DLG2: variants seen among roughly 807,000 people sequenced by gnomAD.
DLG2 encodes the protein disks large homolog 2.
In DLG2, 45 loss-of-function variants were observed where a neutral mutation model predicts 132.5. The observed-to-expected ratio is 0.34, with a 90% CI of 0.27 to 0.44. The LOEUF (loss-of-function observed/expected upper bound fraction) is 0.44, where lower values mean the gene tolerates loss of function less well. Ranked by LOEUF, DLG2 falls within the 20% of genes least tolerant of loss-of-function variation. DLG2 has a pLI of 1.00. For missense variants in DLG2, 1,045 were observed against 1,196.9 expected (o/e 0.87, Z 1.87); for synonymous variants, 424 against 419.6 (o/e 1.01, Z -0.13).
At chr11:84,855,451 G>C (rs1033363372) in intron 6 of DLG2, among the ~76,000 whole-genome samples, 3 of 152,056 alleles carry the variant, frequency 2.0e-5, no homozygotes, top group African/African-American at 7.2e-5. Flanking sequence ...AATGTAGCTA[G>C]AGAGTAAAAT....
Position 83,786,779 on chromosome 11 carries a change from T to C in DLG2, c.1736A>G (p.Asp579Gly). The stretch of plus-strand genomic sequence containing the variant: ...CTGCTCGTGGGATGCACCACGGAGG[T>C]CAATGCCATTCACCTGAAAGAGAGG... ...GDQILSVNGI[D>G]LRGASHEQAA... is the part of the protein sequence containing the mutation. The change falls in exon 18 of 28, where the codon GAC becomes GGC. Residue 579 changes from aspartate to glycine, a missense_variant. Asp to Gly is a moderately conservative substitution (Grantham distance 94). Transcript: ENST00000376104. 6.2e-7 allele frequency: 1 copy of C among 1,613,920 alleles called. No individual in the cohort carries two copies. The highest frequency in any genetic ancestry group is 8.5e-7 in the Non-Finnish European group (1 of 1,179,934).
At chr11:84,997,873 G>C (rs1269743099) in intron 6 of DLG2, 5 of 152,106 alleles carry the variant, frequency 3.3e-5, no homozygotes, top group African/African-American at 1.2e-4. Flanking sequence ...ATGATAGAGA[G>C]GTTTCACAAA....
intron 6 of DLG2, among the ~76,000 whole-genome samples, chr11:84,574,375 A>C (rs2099493837): frequency 6.6e-6 from 1 of 150,894 alleles, no homozygotes; most frequent in Admixed American, 6.6e-5. Context: ...AAAAAAAAAA[A>C]CCTCTTAAAC....
At chr11:84,191,456 ACT>A (rs953183678) in intron 8 of DLG2, among the ~76,000 whole-genome samples, 1 of 152,100 alleles carries the variant, frequency 6.6e-6, no homozygotes, top group Non-Finnish European at 1.5e-5. Context: ...GACTTTTATT[ACT>A]CTTTCAAAAA....
At chr11:84,644,583 G>A (rs2099672221) in intron 6 of DLG2, among the ~76,000 whole-genome samples, 1 of 151,896 alleles carries the variant, frequency 6.6e-6, no homozygotes, top group Non-Finnish European at 1.5e-5. Context: ...GCGGGCACCT[G>A]TAATCCCAGC....
chr11:83,985,812 G>A (rs1179207637), intron 11 of DLG2, among the ~76,000 whole-genome samples: 3 of 151,984 alleles, frequency 2.0e-5, no homozygotes, highest in Non-Finnish European at 2.9e-5. Context: ...GTGTTGCAAT[G>A]AAAATACATG....
intron 7 of DLG2, among the ~76,000 whole-genome samples, chr11:84,305,417 T>C (rs2098204929): frequency 1.3e-5 from 2 of 152,200 alleles, no homozygotes; most frequent in Non-Finnish European, 2.9e-5. Context: ...AGCAGACCAT[T>C]TGTATTTGAT....
intron 17 of DLG2, among the ~76,000 whole-genome samples, chr11:83,811,506 G>T (rs191632186): frequency 1.2e-4 from 19 of 152,158 alleles, no homozygotes; most frequent in African/African-American, 3.9e-4. Flanking sequence ...TAAATAGCAT[G>T]TACAATTTCA....
At chr11:85,318,535 T>C (rs952304135) in intron 3 of DLG2, among the ~76,000 whole-genome samples, 3 of 151,834 alleles carry the variant, frequency 2.0e-5, no homozygotes, top group Admixed American at 1.3e-4. Context: ...TTTTTCATCA[T>C]CTTTGAGCTG....
Position 84,737,496 on chromosome 11 carries a change from A to AAGAGAGAGAG in DLG2, c.358-202766_358-202765insCTCTCTCTCT, listed in dbSNP as rs1475694473. 6.7e-3 allele frequency among the ~76,000 whole-genome samples: 833 copies of AAGAGAGAGAG among 123,554 alleles called. 4 individuals are homozygous for AAGAGAGAGAG. The highest frequency in any genetic ancestry group is 0.012 in the Non-Finnish European group (638 of 53,734). 81.1% of individuals were successfully genotyped at this position (123,554 alleles called of 152,430 possible). A position where few individuals can be genotyped will look rare whatever the true frequency, so the allele number is the denominator to read the frequency against. The stretch of plus-strand genomic sequence containing the variant: ...ATCTAGGTCAAGAGAGAGAGAAAGA[A>AAGAGAGAGAG]AGAGACAGAGAGAGAGAGAGAGAGA... On this transcript the variant is annotated intron_variant, in intron 6 of 27. Transcript: ENST00000376104.
intron 3 of DLG2, among the ~76,000 whole-genome samples, chr11:85,545,304 A>G (rs563568623): frequency 1.3e-5 from 2 of 152,328 alleles, no homozygotes; most frequent in African/African-American, 4.8e-5. Flanking sequence ...TGATTTGCAT[A>G]TGTTGAACAA....
chr11:84,383,034 T>C (rs1177525834), intron 7 of DLG2, among the ~76,000 whole-genome samples: 1 of 152,034 alleles, frequency 6.6e-6, no homozygotes, highest in East Asian at 1.9e-4. Context: ...ATTTGTACCA[T>C]GAAACTCTGA....
At chr11:85,185,176 G>C (rs866835133) in intron 4 of DLG2, among the ~76,000 whole-genome samples, 19 of 151,812 alleles carry the variant, frequency 1.3e-4, no homozygotes, top group Admixed American at 2.6e-4. Context: ...AGTTTGGTTT[G>C]CAGAAAATGG....
chr11:84,734,156 T>C (rs1470328212), intron 6 of DLG2, among the ~76,000 whole-genome samples: 1 of 152,254 alleles, frequency 6.6e-6, no homozygotes, highest in South Asian at 2.1e-4. Flanking sequence ...TTAAAGAAGT[T>C]TTTTCCAATT....
At chr11:83,909,836 C>A (rs1450342507) in intron 15 of DLG2, among the ~76,000 whole-genome samples, 1 of 152,118 alleles carries the variant, frequency 6.6e-6, no homozygotes, top group Non-Finnish European at 1.5e-5. Context: ...CTGTTCCAAT[C>A]TTCCTCTGAG....
intron 6 of DLG2, among the ~76,000 whole-genome samples, chr11:84,643,485 C>T (rs2099670713): frequency 6.6e-6 from 1 of 152,138 alleles, no homozygotes; most frequent in African/African-American, 2.4e-5. Flanking sequence ...ACATAGATTT[C>T]CTTTGCAGAA....
intron 6 of DLG2, among the ~76,000 whole-genome samples, chr11:85,049,900 T>A (rs2062726876): frequency 6.6e-6 from 1 of 152,116 alleles, no homozygotes; most frequent in Admixed American, 6.6e-5. Context: ...ATTAATTCGC[T>A]AATATCTAAT....
At chr11:85,035,710 T>C (rs1226201171) in intron 6 of DLG2, among the ~76,000 whole-genome samples, 1 of 152,164 alleles carries the variant, frequency 6.6e-6, no homozygotes, top group East Asian at 1.9e-4. Flanking sequence ...TTTACATAGA[T>C]TATCTCTAGA....
intron 3 of DLG2, among the ~76,000 whole-genome samples, chr11:85,338,908 G>A (rs1258407665): frequency 6.6e-6 from 1 of 151,816 alleles, no homozygotes; most frequent in African/African-American, 2.4e-5. Flanking sequence ...GTTTCACCGT[G>A]GTCTCAATCT....
Sources: gnomAD v4.1 joint callset for allele counts (sites outside exome capture counted in the v4.1 genomes callset) on GRCh38, gnomAD v4.1.1 for gene constraint, MANE v1.5 for transcripts, NCBI Gene and HGNC (gene_info 2026-07-23, HGNC 2026-07-21) for gene names.